The following RASGEF1A variants were observed in gnomAD, a reference collection of about 807,000 sequenced individuals.
RASGEF1A encodes ras-GEF domain-containing family member 1A.
A neutral mutation model predicts 56.4 loss-of-function variants in RASGEF1A; 18 were observed. The observed-to-expected ratio is 0.32, with a 90% CI of 0.22 to 0.47. The LOEUF is 0.47. Among genes scored for constraint, RASGEF1A ranks in the 20% least tolerant of loss-of-function variants. RASGEF1A has a pLI of 1.00. For missense variants in RASGEF1A, 422 were observed against 627.1 expected (o/e 0.67, Z 3.49); for synonymous variants, 245 against 242.6 (o/e 1.01, Z -0.09).
In RASGEF1A at chr10:43,205,945, C is replaced by G; in HGVS notation, c.172G>C (p.Val58Leu). The part of the protein sequence containing the change: ...GSLEALMEHL[V>L]PTVDYYPDRT... ...TCGGGGTAATAGTCCACCGTGGGAA[C>G]AAGGTGCTCCATCAGGGCCTCCAGG... The change falls in exon 2 of 13, where the codon GTT becomes CTT. Residue 58 changes from valine (V) to leucine (L), a missense_variant. Val to Leu is a conservative substitution (Grantham distance 32, BLOSUM62 1). Coordinates refer to ENST00000395810, the MANE Select transcript of RASGEF1A (RefSeq NM_145313.4). 2 of 1,613,360 alleles carry G rather than the reference C, an allele frequency of 1.2e-6. No individual in the cohort carries two copies. Among genetic ancestry groups the G allele is most frequent in the Non-Finnish European group, 1.7e-6 (2 of 1,179,970 alleles).
At chr10:43,203,750 T>C (rs993082355) in intron 2 of RASGEF1A, 4 of 1,068,084 alleles carry the variant, frequency 3.7e-6, no homozygotes, top group Non-Finnish European at 3.4e-6. Context: ...TAGGGCTCCA[T>C]GGTGCTCGCT....
intron 1 of RASGEF1A, among the ~76,000 whole-genome samples, chr10:43,225,371 CTG>C (rs1454128996): frequency 1.4e-5 from 2 of 147,920 alleles, no homozygotes; most frequent in African/African-American, 5.0e-5. Flanking sequence ...CTCTCTACGT[CTG>C]TGTCTCTGCA....
At chr10:43,226,626 G>T (rs1840283233) in intron 1 of RASGEF1A, among the ~76,000 whole-genome samples, 1 of 152,080 alleles carries the variant, frequency 6.6e-6, no homozygotes, top group African/African-American at 2.4e-5. Flanking sequence ...GACCCAGGCA[G>T]CCCAGAACCC....
intron 1 of RASGEF1A, among the ~76,000 whole-genome samples, chr10:43,246,806 C>G (rs1249540307): frequency 6.6e-6 from 1 of 152,326 alleles, no homozygotes; most frequent in African/African-American, 2.4e-5. Context: ...AGACCTAAAA[C>G]TATAAAACTC....
chr10:43,234,127 G>GA (rs961881941), intron 1 of RASGEF1A, among the ~76,000 whole-genome samples: 1 of 152,196 alleles, frequency 6.6e-6, no homozygotes. Flanking sequence ...GTCACCCCAT[G>GA]AAAAATCACC....
chr10:43,240,181 G>T (rs536918868), intron 1 of RASGEF1A, among the ~76,000 whole-genome samples: 11 of 152,336 alleles, frequency 7.2e-5, no homozygotes, highest in African/African-American at 2.6e-4. Flanking sequence ...CGAAGACTGA[G>T]AACTTTATTG....
intron 1 of RASGEF1A, among the ~76,000 whole-genome samples, chr10:43,258,595 C>T (rs1196316005): frequency 6.6e-6 from 1 of 152,222 alleles, no homozygotes; most frequent in Non-Finnish European, 1.5e-5. Context: ...TTTGGTGGGC[C>T]GAGGGGCACC....
intron 1 of RASGEF1A, among the ~76,000 whole-genome samples, chr10:43,234,981 C>T (rs1258240867): frequency 6.6e-6 from 1 of 152,190 alleles, no homozygotes; most frequent in Non-Finnish European, 1.5e-5. Flanking sequence ...CCACTGATGG[C>T]CCTAATCAAA....
In RASGEF1A at chr10:43,196,270, T is replaced by C; in HGVS notation, c.1422-2A>G. The C allele has an allele frequency of 6.2e-7, 1 of 1,613,576 alleles. No individual in the cohort carries two copies. Among genetic ancestry groups the C allele is most frequent in the Non-Finnish European group, 8.5e-7 (1 of 1,179,712 alleles). ...CAGGCTCTGTTCAGAAGGGTGGTCC[T>C]AGAGGGGGACAGGACAAGCAGTGCT... is the stretch of plus-strand genomic sequence containing the variant. On this transcript the variant is annotated splice_acceptor_variant, in intron 12 of 12. Transcript: ENST00000395810. LOFTEE classifies it high-confidence loss of function. The surrounding 1 kb of genome is among the most constrained non-coding windows in gnomAD (Gnocchi z 4.6).
chr10:43,244,158 G>A (rs1229495645), intron 1 of RASGEF1A, among the ~76,000 whole-genome samples: 1 of 152,220 alleles, frequency 6.6e-6, no homozygotes. Context: ...GGTGCAAGAT[G>A]TGCTTTGTTA....
At chr10:43,259,960 C>T (rs1463007024) in intron 1 of RASGEF1A, among the ~76,000 whole-genome samples, 1 of 152,144 alleles carries the variant, frequency 6.6e-6, no homozygotes, top group Non-Finnish European at 1.5e-5. Context: ...AGGGAGGCAC[C>T]AGAGAACCAC....
At chr10:43,248,159 C>T (rs1002700414) in intron 1 of RASGEF1A, among the ~76,000 whole-genome samples, 3 of 150,802 alleles carry the variant, frequency 2.0e-5, no homozygotes, top group African/African-American at 4.9e-5. Context: ...AGTTCGAGAC[C>T]AGCCTGACAA....
At chr10:43,204,213 C>T (rs1588930064) in intron 2 of RASGEF1A, among the ~76,000 whole-genome samples, 1 of 152,158 alleles carries the variant, frequency 6.6e-6, no homozygotes, top group African/African-American at 2.4e-5. Flanking sequence ...CTCTGCCCCA[C>T]GTGGCTGCTG....
intron 1 of RASGEF1A, among the ~76,000 whole-genome samples, chr10:43,242,044 A>G (rs541572247): frequency 6.6e-6 from 1 of 152,238 alleles, no homozygotes; most frequent in African/African-American, 2.4e-5. Context: ...AGGCTGAGGC[A>G]GGAGAATGGC....
intron 1 of RASGEF1A, among the ~76,000 whole-genome samples, chr10:43,211,690 G>A (rs901176813): frequency 6.6e-6 from 1 of 152,028 alleles, no homozygotes; most frequent in Non-Finnish European, 1.5e-5. Context: ...ATCCTGAGAG[G>A]CCCCCCACAG....
At chr10:43,253,574 G>T (rs1840651081) in intron 1 of RASGEF1A, among the ~76,000 whole-genome samples, 1 of 152,252 alleles carries the variant, frequency 6.6e-6, no homozygotes, top group South Asian at 2.1e-4. Flanking sequence ...TCAGGGAGAT[G>T]GTGGCGTCAG....
chr10:43,215,585 G>A (rs1448201629), intron 1 of RASGEF1A, among the ~76,000 whole-genome samples: 5 of 152,302 alleles, frequency 3.3e-5, no homozygotes, highest in South Asian at 4.1e-4. Context: ...AGGGATAACC[G>A]GCCAGTTCTC....
In RASGEF1A at chr10:43,208,714, G is replaced by A; in HGVS notation, c.-6-2592C>T. The A allele has an allele frequency of 4.1e-6, 4 of 985,504 alleles. No homozygotes were observed. In the South Asian group the frequency reaches 1.9e-4, roughly 46 times the overall value. 61.0% of individuals were successfully genotyped at this position (985,504 alleles called of 1,614,324 possible). On this transcript the variant is annotated intron_variant, in intron 1 of 12. Coordinates refer to ENST00000395810, the MANE Select transcript of RASGEF1A (RefSeq NM_145313.4). Reference sequence around the variant, plus strand: ...AGGTCTCCTGCATCCAACAAACCAAGACCCTGCAGGTCTGGGGGATGCCCC... The same window carrying A: ...AGGTCTCCTGCATCCAACAAACCAAAACCCTGCAGGTCTGGGGGATGCCCC...
intron 1 of RASGEF1A, among the ~76,000 whole-genome samples, chr10:43,220,526 G>C (rs558870241): frequency 1.5e-4 from 23 of 152,274 alleles, no homozygotes; most frequent in African/African-American, 5.1e-4. Context: ...GCTCACTCCT[G>C]TAATCTCAAC....
Sources: allele counts gnomAD v4.1 joint callset (sites outside exome capture counted in the v4.1 genomes callset), GRCh38; gene constraint gnomAD v4.1.1; non-coding constraint Gnocchi (gnomAD v3.1); transcripts MANE v1.5; gene names NCBI Gene and HGNC (gene_info 2026-07-23, HGNC 2026-07-21).